The following SHB variants were observed in gnomAD, a reference collection of about 807,000 sequenced individuals.
SHB encodes the protein SH2 domain-containing adapter protein B.
In SHB, 20 loss-of-function variants were observed where a neutral mutation model predicts 52.3. The observed-to-expected ratio is 0.38, with a 90% CI of 0.27 to 0.56. The LOEUF (loss-of-function observed/expected upper bound fraction) is 0.56, where lower values mean the gene tolerates loss of function less well. SHB is among the 20% of genes least tolerant of loss of function. SHB has a pLI of 0.71. For missense variants in SHB, 825 were observed against 723.3 expected (o/e 1.14, Z -1.61); for synonymous variants, 397 against 316.5 (o/e 1.25, Z -2.70).
At chr9:37,944,186 GC>G (rs1026692063) in intron 5 of SHB, among the ~76,000 whole-genome samples, 6 of 152,186 alleles carry the variant, frequency 3.9e-5, no homozygotes, top group African/African-American at 1.2e-4. Context: ...ACAGGTAGGG[GC>G]CCCTGCCATG....
chr9:38,040,373 A>G (rs1821559743), intron 1 of SHB, among the ~76,000 whole-genome samples: 1 of 152,148 alleles, frequency 6.6e-6, no homozygotes, highest in African/African-American at 2.4e-5. Context: ...AAGCTGCCAC[A>G]TGAATGCCGG....
At chr9:38,028,666 C>T (rs1213731437) in intron 1 of SHB, among the ~76,000 whole-genome samples, 2 of 152,230 alleles carry the variant, frequency 1.3e-5, no homozygotes, top group Non-Finnish European at 2.9e-5. Flanking sequence ...AGGAGACATA[C>T]TAACAGCCAG....
chr9:37,962,338 C>A (rs142920262), intron 3 of SHB, among the ~76,000 whole-genome samples: 1 of 152,118 alleles, frequency 6.6e-6, no homozygotes, highest in East Asian at 1.9e-4. Flanking sequence ...ATTCCCGATA[C>A]CTAAAACAGT....
In SHB at chr9:38,068,289, C is replaced by A; in HGVS notation, c.357G>T (p.Gly119=). The A allele has an allele frequency of 6.8e-7, 1 of 1,480,796 alleles. No individual in the cohort carries two copies. The highest frequency in any genetic ancestry group is 8.9e-7 in the Non-Finnish European group (1 of 1,121,330). The allele number at this position is 1,480,796 out of a possible 1,614,324, so 91.7% of individuals were successfully genotyped here. The change falls in exon 1 of 6, where the codon GGG becomes GGT. Residue 119 remains glycine, a synonymous_variant. Coordinates refer to ENST00000377707, the MANE Select transcript of SHB (RefSeq NM_003028.3). ...AGGCGCGCTGGACCCCGCCTGGCTC[C>A]CCGCTGCCGCCGCAGTAGTCCAGGC... ...MCRLDYCGGS[G]EPGGVQRAFS...
At chr9:37,923,912 G>A (rs1334267320) in intron 5 of SHB, among the ~76,000 whole-genome samples, 2 of 152,176 alleles carry the variant, frequency 1.3e-5, no homozygotes, top group Admixed American at 6.5e-5. Flanking sequence ...CAGCTGAGCC[G>A]GGCTCCGAGC....
At chr9:38,052,364 A>C (rs1037871122) in intron 1 of SHB, among the ~76,000 whole-genome samples, 1 of 151,996 alleles carries the variant, frequency 6.6e-6, no homozygotes, top group Non-Finnish European at 1.5e-5. Context: ...CCCGGCTCAG[A>C]CTCCGTGACC....
rs771967364 is a variant in SHB, at chr9:37,917,095, T to C, written c.*2726A>G. ...CAAACCAAAGCCAGTAACCTGAATG[T>C]GAGTGTTTCTGAAAGGGAAAAGCTG... is the stretch of plus-strand genomic sequence containing the variant. On this transcript the variant is annotated 3_prime_UTR_variant, in exon 6 of 6. Transcript: ENST00000377707. 6.7e-5 allele frequency among the ~76,000 whole-genome samples: 10 copies of C among 150,100 alleles called. No homozygotes were observed. Among genetic ancestry groups the C allele is most frequent in the Non-Finnish European group, 1.0e-4 (7 of 67,788 alleles).
At chr9:38,054,670 C>T (rs535859193) in intron 1 of SHB, among the ~76,000 whole-genome samples, 2 of 152,290 alleles carry the variant, frequency 1.3e-5, no homozygotes, top group South Asian at 2.1e-4. Context: ...AAGATACAAT[C>T]GCACATCTGA....
chr9:37,983,804 C>T (rs971236799), intron 2 of SHB, among the ~76,000 whole-genome samples: 3 of 152,230 alleles, frequency 2.0e-5, no homozygotes, highest in African/African-American at 7.2e-5. Context: ...AGATTAGGCT[C>T]AGGGCCCCAG....
intron 3 of SHB, among the ~76,000 whole-genome samples, chr9:37,972,011 G>C (rs1272206778): frequency 6.6e-6 from 1 of 152,146 alleles, no homozygotes; most frequent in African/African-American, 2.4e-5. Flanking sequence ...TTTCTAACCA[G>C]CACTGGGTGA....
At chr9:37,966,066 T>C (rs1349765181) in intron 3 of SHB, among the ~76,000 whole-genome samples, 5 of 152,162 alleles carry the variant, frequency 3.3e-5, no homozygotes, top group Non-Finnish European at 7.4e-5. Flanking sequence ...CTCGAGCTCC[T>C]GACCTCAGGT....
At chr9:38,027,321 C>G (rs890242989) in intron 1 of SHB, among the ~76,000 whole-genome samples, 2 of 152,168 alleles carry the variant, frequency 1.3e-5, no homozygotes, top group East Asian at 3.9e-4. Flanking sequence ...ACTGGGAAAA[C>G]ATCTTCCTTC....
intron 1 of SHB, among the ~76,000 whole-genome samples, chr9:38,027,125 CCTTTTT>C (rs1265211139): frequency 6.6e-6 from 1 of 152,214 alleles, no homozygotes; most frequent in Non-Finnish European, 1.5e-5. Flanking sequence ...AGCTCTGTTT[CCTTTTT>C]ATTACAATAT....
At chr9:37,983,647 G>A (rs1820766630) in intron 2 of SHB, among the ~76,000 whole-genome samples, 1 of 152,186 alleles carries the variant, frequency 6.6e-6, no homozygotes, top group Non-Finnish European at 1.5e-5. Flanking sequence ...GCTAGGTAGA[G>A]TTGTATGGCT....
intron 2 of SHB, 37 bp from the exon 3 acceptor site, chr9:37,974,874 A>C: frequency 6.5e-7 from 1 of 1,530,218 alleles, no homozygotes; most frequent in South Asian, 1.1e-5. Flanking sequence ...GATGAAATGG[A>C]TACTGCACTT....
chr9:37,970,163 G>A (rs897918137), intron 3 of SHB, among the ~76,000 whole-genome samples: 9 of 152,208 alleles, frequency 5.9e-5, no homozygotes, highest in South Asian at 2.1e-4. Context: ...ATTGGGATCC[G>A]ACAAGTGGGA....
intron 1 of SHB, 31 bp downstream of exon 1, chr9:38,067,898 A>T: frequency 2.1e-6 from 3 of 1,431,804 alleles, no homozygotes; most frequent in South Asian, 2.9e-5. Flanking sequence ...GTGGCTCTGG[A>T]ACCTCGGGAA....
intron 5 of SHB, among the ~76,000 whole-genome samples, chr9:37,929,255 G>C (rs981326166): frequency 6.6e-6 from 1 of 152,238 alleles, no homozygotes; most frequent in Non-Finnish European, 1.5e-5. Context: ...AGGTGCCGCC[G>C]AGTATGCAGG....
At chr9:37,988,069 G>A (rs1309158988) in intron 2 of SHB, among the ~76,000 whole-genome samples, 1 of 152,232 alleles carries the variant, frequency 6.6e-6, no homozygotes, top group Non-Finnish European at 1.5e-5. Context: ...GGGTGCTGTT[G>A]ACAATGTGCC....
Sources: gnomAD v4.1 joint callset for allele counts (sites outside exome capture counted in the v4.1 genomes callset) on GRCh38, gnomAD v4.1.1 for gene constraint, MANE v1.5 for transcripts, NCBI Gene and HGNC (gene_info 2026-07-23, HGNC 2026-07-21) for gene names.